Variants in ZBTB20 observed in about 807,000 individuals in gnomAD.
ZBTB20 encodes zinc finger and BTB domain-containing protein 20.
ZBTB20 carries 9 observed loss-of-function variants against 56.9 expected under a neutral mutation model. That is an observed-to-expected ratio of 0.16 (90% CI 0.10 to 0.28). The LOEUF (loss-of-function observed/expected upper bound fraction) is 0.28, where lower values mean the gene tolerates loss of function less well. ZBTB20 is among the 10% of genes least tolerant of loss of function. The pLI, the probability that ZBTB20 is intolerant of heterozygous loss-of-function variation, is 1.00. For synonymous variants in ZBTB20, 417 were observed against 420.7 expected (o/e 0.99, Z 0.11); for missense variants, 655 against 1,003.0 (o/e 0.65, Z 4.69).
chr3:115,117,857 TG>T (rs1462287647), intron 1 of ZBTB20, among the ~76,000 whole-genome samples: 1 of 152,174 alleles, frequency 6.6e-6, no homozygotes, highest in East Asian at 1.9e-4. Flanking sequence ...AATGAGAAAC[TG>T]AAAGATTAGC....
Position 114,320,120 on chromosome 3 carries a change from A to G in ZBTB20, c.*18885T>C, listed in dbSNP as rs1296465610. On this transcript the variant is annotated 3_prime_UTR_variant, in exon 12 of 12. Coordinates refer to ENST00000675478, the MANE Select transcript of ZBTB20 (RefSeq NM_001348800.3). ...TATTTTCAGCATTGTAGTTTAAACT[A>G]TGTATTTTTCTTACTTGATGATATT... is the stretch of plus-strand genomic sequence containing the variant. 1 of 152,090 alleles carries G rather than the reference A, an allele frequency of 6.6e-6. No homozygotes were observed. Among genetic ancestry groups the G allele is most frequent in the Non-Finnish European group, 1.5e-5 (1 of 68,018 alleles). The allele number at this position is 152,090 out of a possible 1,614,324, so 9.4% of individuals were successfully genotyped here.
At chr3:114,929,814 T>C (rs1306468809) in intron 3 of ZBTB20, among the ~76,000 whole-genome samples, 2 of 152,202 alleles carry the variant, frequency 1.3e-5, no homozygotes, top group Non-Finnish European at 2.9e-5. Context: ...ATCAGGCTAA[T>C]AACAAGAATA....
At chr3:114,718,052 G>A (rs536452026) in intron 5 of ZBTB20, among the ~76,000 whole-genome samples, 1 of 152,114 alleles carries the variant, frequency 6.6e-6, no homozygotes, top group Non-Finnish European at 1.5e-5. Flanking sequence ...ATGTTTTGAT[G>A]GTCTGATTTT....
At chr3:114,428,063 T>C (rs1053586244) in intron 7 of ZBTB20, among the ~76,000 whole-genome samples, 1 of 152,148 alleles carries the variant, frequency 6.6e-6, no homozygotes, top group Non-Finnish European at 1.5e-5. Flanking sequence ...GATTTTGAAA[T>C]TCAAATGTAA....
At chr3:114,684,324 T>A (rs1261884116) in intron 6 of ZBTB20, among the ~76,000 whole-genome samples, 1 of 152,276 alleles carries the variant, frequency 6.6e-6, no homozygotes, top group Middle Eastern at 3.4e-3. Context: ...TTTGCCATAA[T>A]GGGGCCTATT....
At chr3:115,047,036 A>G (rs1389377060) in intron 2 of ZBTB20, among the ~76,000 whole-genome samples, 1 of 152,218 alleles carries the variant, frequency 6.6e-6, no homozygotes, top group African/African-American at 2.4e-5. Context: ...GATATAATGC[A>G]GAATCCAACA....
chr3:114,680,379 A>C (rs958475839), intron 6 of ZBTB20, among the ~76,000 whole-genome samples: 1 of 152,192 alleles, frequency 6.6e-6, no homozygotes, highest in Non-Finnish European at 1.5e-5. Flanking sequence ...ATTTCACTCT[A>C]TTTTATTTTG....
intron 3 of ZBTB20, among the ~76,000 whole-genome samples, chr3:114,943,981 T>G (rs2076806543): frequency 1.4e-5 from 2 of 138,298 alleles, no homozygotes; most frequent in East Asian, 4.0e-4. Context: ...AATCTCAAAA[T>G]AGCCAGAAAA....
At chr3:114,951,029 T>G (rs1036682520) in intron 3 of ZBTB20, among the ~76,000 whole-genome samples, 13 of 152,110 alleles carry the variant, frequency 8.5e-5, no homozygotes, top group Non-Finnish European at 1.5e-4. Flanking sequence ...CCTGAGGAAG[T>G]AGAGACTGGA....
intron 5 of ZBTB20, among the ~76,000 whole-genome samples, chr3:114,705,783 C>G (rs941532381): frequency 2.6e-5 from 4 of 152,168 alleles, no homozygotes; most frequent in African/African-American, 4.8e-5. Context: ...CCAGCTAACC[C>G]AGAACCCAGC....
At chr3:115,032,210 C>T (rs2108350677) in intron 2 of ZBTB20, among the ~76,000 whole-genome samples, 1 of 151,240 alleles carries the variant, frequency 6.6e-6, no homozygotes, top group South Asian at 2.1e-4. Context: ...CCAGATTGCG[C>T]TTTCTTTATA....
chr3:114,610,308 G>A lies in ZBTB20; in HGVS notation c.-295+83220C>T, dbSNP rs184039583. Among the ~76,000 whole-genome samples, 4 of 152,330 alleles carry A rather than the reference G, an allele frequency of 2.6e-5. No homozygotes were observed. The East Asian group carries it at 7.7e-4, about 29-fold the overall frequency. On this transcript the variant is annotated intron_variant, in intron 6 of 11. Transcript: ENST00000675478. ...TAACAAATGCACCCACTAATGGGGTGAGACCCATTACTCACAAATGGGTGA... is the reference window on the plus strand; with the variant it reads ...TAACAAATGCACCCACTAATGGGGTAAGACCCATTACTCACAAATGGGTGA...
chr3:115,112,506 C>A (rs1329886913), intron 1 of ZBTB20, among the ~76,000 whole-genome samples: 4 of 152,152 alleles, frequency 2.6e-5, no homozygotes, highest in Non-Finnish European at 5.9e-5. Context: ...CTACTTTCTG[C>A]CTCCATGAGA....
intron 6 of ZBTB20, among the ~76,000 whole-genome samples, chr3:114,628,553 C>A (rs2058765272): frequency 6.6e-6 from 1 of 152,120 alleles, no homozygotes; most frequent in Non-Finnish European, 1.5e-5. Flanking sequence ...TGAGGACCAG[C>A]ACTGGCAGCA....
intron 11 of ZBTB20, among the ~76,000 whole-genome samples, chr3:114,344,381 G>A (rs548199011): frequency 2.6e-5 from 4 of 152,324 alleles, no homozygotes; most frequent in African/African-American, 7.2e-5. Context: ...TAAGAAGTCA[G>A]TAGCACCTGA....
intron 7 of ZBTB20, among the ~76,000 whole-genome samples, chr3:114,478,903 G>C (rs1261197371): frequency 6.6e-6 from 1 of 152,170 alleles, no homozygotes; most frequent in African/African-American, 2.4e-5. Context: ...AGGCAGTCAA[G>C]AAATACTAAA....
At chr3:115,055,150 C>A (rs901793013) in intron 2 of ZBTB20, among the ~76,000 whole-genome samples, 9 of 150,774 alleles carry the variant, frequency 6.0e-5, no homozygotes, top group Non-Finnish European at 1.2e-4. Context: ...CAAACTTTTG[C>A]TCCCTCCAAC....
At chr3:114,698,419 G>A (rs2063187093) in intron 5 of ZBTB20, among the ~76,000 whole-genome samples, 2 of 151,960 alleles carry the variant, frequency 1.3e-5, no homozygotes, top group South Asian at 4.2e-4. Flanking sequence ...ACTTTTGTTT[G>A]GGTGGAATGC....
chr3:114,989,066 A>G (rs1371182819), intron 2 of ZBTB20, among the ~76,000 whole-genome samples: 2 of 152,202 alleles, frequency 1.3e-5, no homozygotes, highest in East Asian at 3.9e-4. Context: ...GTTCACTCTG[A>G]TGGTAGTTTC....
Sources: gnomAD v4.1 joint callset for allele counts (sites outside exome capture counted in the v4.1 genomes callset) on GRCh38, gnomAD v4.1.1 for gene constraint, MANE v1.5 for transcripts, NCBI Gene and HGNC (gene_info 2026-07-23, HGNC 2026-07-21) for gene names.